The following WSB2 variants were observed in gnomAD, a reference collection of about 807,000 sequenced individuals.
WSB2 encodes the protein WD repeat and SOCS box containing 2, also known as WD repeat and SOCS box-containing protein 2.
In WSB2, 12 loss-of-function variants were observed where a neutral mutation model predicts 48.8. That is an observed-to-expected ratio of 0.25 (90% CI 0.16 to 0.40). The LOEUF (loss-of-function observed/expected upper bound fraction) is 0.40, where lower values mean the gene tolerates loss of function less well. Ranked by LOEUF, WSB2 falls within the 10% of genes least tolerant of loss-of-function variation. WSB2 has a pLI of 1.00. For missense variants in WSB2, 317 were observed against 506.2 expected (o/e 0.63, Z 3.59); for synonymous variants, 191 against 203.1 (o/e 0.94, Z 0.51).
Position 118,053,432 on chromosome 12 carries a change from A to T in WSB2, c.14-954T>A, listed in dbSNP as rs545604067. ...ATTCACAACTAAGAAGCGTACCCTG[A>T]TCTCACACTATCAAAACGGAAATAA... is the stretch of plus-strand genomic sequence containing the variant. On this transcript the variant is annotated intron_variant, in intron 1 of 8. Transcript: ENST00000315436. Among the ~76,000 whole-genome samples, 21 of 152,308 alleles carry T rather than the reference A, an allele frequency of 1.4e-4. No individual in the cohort carries two copies. The South Asian group carries it at 4.4e-3, about 32-fold the overall frequency.
chr12:118,038,465 G>GGGGCTGT, intron 4 of WSB2, 77 bp from the exon 5 acceptor site: 1 of 1,388,696 alleles, frequency 7.2e-7, no homozygotes, highest in Non-Finnish European at 1.0e-6. Flanking sequence ...AACTGGGGTG[G>GGGGCTGT]TAACAGCCCC....
chr12:118,044,993 A>G (rs1397342561), intron 2 of WSB2, among the ~76,000 whole-genome samples: 1 of 152,244 alleles, frequency 6.6e-6, no homozygotes, highest in Non-Finnish European at 1.5e-5. Flanking sequence ...AATTACCACC[A>G]TTACTTTTGC....
chr12:118,056,868 T>A (rs1015456778), intron 1 of WSB2, among the ~76,000 whole-genome samples: 13 of 152,006 alleles, frequency 8.6e-5, no homozygotes, highest in African/African-American at 1.4e-4. Flanking sequence ...ACCACTGTAC[T>A]CCAGCCTGGG....
At chr12:118,057,742 A>G (rs908890098) in intron 1 of WSB2, among the ~76,000 whole-genome samples, 4 of 150,586 alleles carry the variant, frequency 2.7e-5, no homozygotes, top group Admixed American at 2.0e-4. Context: ...CTCTTAGCAA[A>G]TTTCAAGTAT....
At chr12:118,049,020 A>G (rs1055652438) in intron 2 of WSB2, among the ~76,000 whole-genome samples, 26 of 152,218 alleles carry the variant, frequency 1.7e-4, no homozygotes, top group African/African-American at 6.3e-4. Flanking sequence ...TACAAATTTG[A>G]AAACAAGAGT....
In WSB2 at chr12:118,033,784, T is replaced by C. The variant is rs2031433867; in HGVS notation, c.*412A>G. Reference sequence around the variant, plus strand: ...TACCACTGCATCAGAAACACAAGGATAGGTACTAGGCAGAAGCCATCGTTC... The same window carrying C: ...TACCACTGCATCAGAAACACAAGGACAGGTACTAGGCAGAAGCCATCGTTC... On this transcript the variant is annotated 3_prime_UTR_variant, in exon 9 of 9. Coordinates refer to ENST00000315436, the MANE Select transcript of WSB2 (RefSeq NM_018639.5). The C allele has an allele frequency of 1.2e-5, 2 of 172,902 alleles. No individual in the cohort carries two copies. The highest frequency in any genetic ancestry group is 2.9e-4 in the South Asian group (2 of 6,884). 10.7% of individuals were successfully genotyped at this position (172,902 alleles called of 1,614,324 possible). A position where few individuals can be genotyped will look rare whatever the true frequency, so the allele number is the denominator to read the frequency against.
intron 6 of WSB2, chr12:118,035,850 C>G (rs2031497836): frequency 6.1e-6 from 1 of 163,616 alleles, no homozygotes; most frequent in African/African-American, 2.4e-5. Flanking sequence ...CCACCTGAAT[C>G]AGGAGACTGG....
intron 2 of WSB2, among the ~76,000 whole-genome samples, chr12:118,050,703 A>C (rs2031834077): frequency 6.6e-6 from 1 of 152,118 alleles, no homozygotes; most frequent in South Asian, 2.1e-4. Context: ...AAACGAGCAA[A>C]GGCTCTGAGT....
At chr12:118,061,410 C>T (rs1487045827), upstream of WSB2, among the ~76,000 whole-genome samples, 3 of 56,926 alleles carry the variant, frequency 5.3e-5, no homozygotes, top group African/African-American at 7.4e-5. Context: ...GGGAGCTGAG[C>T]GGAAACGGGG....
intron 4 of WSB2, 198 bp downstream of exon 4, chr12:118,042,643 T>C: frequency 1.4e-6 from 1 of 718,384 alleles, no homozygotes; most frequent in Non-Finnish European, 2.2e-6. Context: ...ATGTTCGGTA[T>C]TAAACTCTAT....
intron 2 of WSB2, among the ~76,000 whole-genome samples, chr12:118,048,010 T>C (rs753646970): frequency 1.3e-5 from 2 of 152,100 alleles, no homozygotes; most frequent in Non-Finnish European, 2.9e-5. Context: ...CACTGCAGCC[T>C]CTAATTCCTG....
chr12:118,041,850 G>C (rs1244544310), intron 4 of WSB2, among the ~76,000 whole-genome samples: 1 of 149,396 alleles, frequency 6.7e-6, no homozygotes, highest in Non-Finnish European at 1.5e-5. Context: ...TGCCTCCCAG[G>C]TTCAAGTGAT....
At position 118,060,655 on chromosome 12, in the gene WSB2, C is replaced by A. The variant is rs998308176; in HGVS notation, c.13+381G>T. Among the ~76,000 whole-genome samples, 1 of 152,042 alleles carries A rather than the reference C, an allele frequency of 6.6e-6. No individual in the cohort carries two copies. Among genetic ancestry groups the A allele is most frequent in the African/African-American group, 2.4e-5 (1 of 41,418 alleles). On this transcript the variant is annotated intron_variant, in intron 1 of 8. Transcript: ENST00000315436. The surrounding 1 kb of genome is among the most constrained non-coding windows in gnomAD (Gnocchi z 4.1). ...TGACTCCCATCCAGACATGCAAGTG[C>A]GTCCCCTGGCACCTGGGTACCCAGG... is the stretch of plus-strand genomic sequence containing the variant.
At chr12:118,057,683 G>A (rs1387476208) in intron 1 of WSB2, among the ~76,000 whole-genome samples, 8 of 151,980 alleles carry the variant, frequency 5.3e-5, no homozygotes, top group Non-Finnish European at 1.2e-4. Flanking sequence ...TACCATATAT[G>A]CATTACCTCA....
Position 118,058,122 on chromosome 12 carries a change from C to G in WSB2, c.13+2914G>C, listed in dbSNP as rs116646014. ...ATGGAAAGGTATATATTATAAGCCT[C>G]TTCTAGGCAAAGCAGTTAGCCTTAA... On this transcript the variant is annotated intron_variant, in intron 1 of 8. Transcript: ENST00000315436. Among the ~76,000 whole-genome samples the G allele has an allele frequency of 7.6e-3, 1,161 of 152,192 alleles. 15 individuals are homozygous for G. The highest frequency in any genetic ancestry group is 0.026 in the African/African-American group (1,061 of 41,500).
chr12:118,050,068 C>T (rs577108685), intron 2 of WSB2, among the ~76,000 whole-genome samples: 29 of 152,140 alleles, frequency 1.9e-4, no homozygotes, highest in African/African-American at 6.3e-4. Flanking sequence ...GGGGTGGTGG[C>T]GCATGCCTGT....
In WSB2 at chr12:118,043,210, T is replaced by C. The variant is rs1399629223; in HGVS notation, c.350A>G (p.Gln117Arg). Reference sequence around the variant, plus strand: ...AACCAGGCAAGAGACATCGGGCACTTGGGGGTGGTGGCGTGCCCAGAGCTT... The same window carrying C: ...AACCAGGCAAGAGACATCGGGCACTCGGGGGTGGTGGCGTGCCCAGAGCTT... The part of the protein sequence containing the change: ...SRKLWARHHP[Q>R]VPDVSCLVLA... Residue 117 changes from glutamine to arginine, a missense_variant, in exon 3 of 9, where the codon CAA (glutamine) becomes CGA (arginine). Coordinates refer to ENST00000315436, the MANE Select transcript of WSB2 (RefSeq NM_018639.5). 1 of 1,614,156 alleles carries C rather than the reference T, an allele frequency of 6.2e-7. No individual in the cohort carries two copies. The highest frequency in any genetic ancestry group is 8.5e-7 in the Non-Finnish European group (1 of 1,180,028).
At position 118,035,222 on chromosome 12, in the gene WSB2, T is replaced by G. The variant is rs143188824; in HGVS notation, c.936A>C (p.Ala312=). 8.6e-4 allele frequency: 1,386 copies of G among 1,614,204 alleles called. 14 individuals are homozygous for G. In the African/African-American group the frequency reaches 0.017, roughly 19 times the overall value. ...AGAGTTCTCTTCGTTACCTGTCATC[T>G]GCCACCGTGGCAAGGTACAAGCCTT... is the stretch of plus-strand genomic sequence containing the variant. ...SPEGLYLATV[A]DDRLLRIWAL... is the part of the protein sequence containing the mutation. The change falls in exon 7 of 9, where the codon GCA becomes GCC. Residue 312 remains alanine (A), a synonymous_variant. Coordinates refer to ENST00000315436, the MANE Select transcript of WSB2 (RefSeq NM_018639.5).
intron 2 of WSB2, among the ~76,000 whole-genome samples, chr12:118,049,982 G>A (rs1411126730): frequency 6.6e-6 from 1 of 152,158 alleles, no homozygotes; most frequent in Admixed American, 6.5e-5. Context: ...TCAGTGTTAC[G>A]CAAAGAAACT....
Sources: allele counts gnomAD v4.1 joint callset (sites outside exome capture counted in the v4.1 genomes callset), GRCh38; gene constraint gnomAD v4.1.1; non-coding constraint Gnocchi (gnomAD v3.1); transcripts MANE v1.5; gene names NCBI Gene and HGNC (gene_info 2026-07-23, HGNC 2026-07-21).